Variants in PHF11 observed in about 807,000 individuals in gnomAD.
The protein encoded by PHF11 is BRCA1 C-terminus-associated protein.
In PHF11, 38 loss-of-function variants were observed where a neutral mutation model predicts 40.5. The observed-to-expected ratio is 0.94, with a 90% CI of 0.72 to 1.23. The LOEUF (loss-of-function observed/expected upper bound fraction) is 1.23. Among genes scored for constraint, PHF11 ranks in the 50% most tolerant of loss-of-function variants. The probability of loss-of-function intolerance (pLI) is 0.00; values close to 1 mark genes in which losing one functional copy is unlikely to be tolerated. For synonymous variants in PHF11, 127 were observed against 138.2 expected (o/e 0.92, Z 0.57); for missense variants, 369 against 392.4 (o/e 0.94, Z 0.50).
chr13:49,508,731 A>G (rs1326993219), intron 2 of PHF11, among the ~76,000 whole-genome samples: 1 of 152,058 alleles, frequency 6.6e-6, no homozygotes, highest in Non-Finnish European at 1.5e-5. Flanking sequence ...AATAAGAACA[A>G]TTTTATTTAC....
chr13:49,518,127 C>A lies in PHF11; in HGVS notation c.434C>A (p.Ser145Tyr), dbSNP rs746538942. 1 of 1,603,778 alleles carries A rather than the reference C, an allele frequency of 6.2e-7. No individual in the cohort carries two copies. The highest frequency in any genetic ancestry group is 1.1e-5 in the South Asian group (1 of 89,154). Residue 145 changes from serine (S) to tyrosine (Y), a missense_variant, in exon 4 of 10, where the codon TCT (serine) becomes TAT (tyrosine). Coordinates refer to ENST00000378319, the MANE Select transcript of PHF11 (RefSeq NM_001040443.3). The part of the protein sequence containing the change: ...CAKKDDAVPQ[S>Y]DGVRGIYKLL... ...AAGAAGGACGACGCAGTTCCACAGT[C>A]TGATGGAGTTCGAGGAATTTATAAG...
At chr13:49,511,672 C>T (rs149901124) in intron 2 of PHF11, among the ~76,000 whole-genome samples, 1 of 152,270 alleles carries the variant, frequency 6.6e-6, no homozygotes, top group Non-Finnish European at 1.5e-5. Flanking sequence ...TGGGGTTAGG[C>T]ATATTCTGGG....
chr13:49,509,986 T>C (rs1230996898), intron 2 of PHF11, among the ~76,000 whole-genome samples: 1 of 152,156 alleles, frequency 6.6e-6, no homozygotes, highest in Non-Finnish European at 1.5e-5. Context: ...CTCAAACCAC[T>C]GAGGTTTCAC....
chr13:49,524,398 C>A (rs1465663947), intron 8 of PHF11, among the ~76,000 whole-genome samples, 182 bp downstream of exon 8: 1 of 151,762 alleles, frequency 6.6e-6, no homozygotes, highest in Non-Finnish European at 1.5e-5. Flanking sequence ...AGAAAATAAT[C>A]CCATTCAAAT....
At chr13:49,525,372 A>G (rs759048047) in intron 8 of PHF11, among the ~76,000 whole-genome samples, 2 of 152,150 alleles carry the variant, frequency 1.3e-5, no homozygotes, top group Non-Finnish European at 2.9e-5. Context: ...CTTAGTCTCC[A>G]GAGTAGCTAA....
chr13:49,505,156 A>G (rs1958970081), intron 1 of PHF11, among the ~76,000 whole-genome samples: 1 of 150,926 alleles, frequency 6.6e-6, no homozygotes, highest in South Asian at 2.1e-4. Flanking sequence ...GAAAAAAAAA[A>G]AAAAGATACT....
chr13:49,501,002 T>TTTTTTG, intron 1 of PHF11, among the ~76,000 whole-genome samples: 1 of 118,470 alleles, frequency 8.4e-6, no homozygotes, highest in Non-Finnish European at 1.7e-5. Context: ...CAACTTTTGT[T>TTTTTTG]TTTTTTTTTT....
At chr13:49,508,011 A>T (rs1789516562) in intron 2 of PHF11, among the ~76,000 whole-genome samples, 1 of 151,538 alleles carries the variant, frequency 6.6e-6, no homozygotes. Flanking sequence ...TACCTTTTGG[A>T]ATTTTGATTG....
chr13:49,527,809 G>A (rs1475165156), intron 9 of PHF11, among the ~76,000 whole-genome samples: 1 of 152,144 alleles, frequency 6.6e-6, no homozygotes, highest in Non-Finnish European at 1.5e-5. Flanking sequence ...AGAACTGCAT[G>A]AGATTCAACT....
chr13:49,526,264 CATT>C, intron 8 of PHF11, 120 bp from the exon 9 acceptor site: 1 of 626,294 alleles, frequency 1.6e-6, no homozygotes, highest in East Asian at 2.9e-5. Flanking sequence ...TGCCATCTAA[CATT>C]AAAGTTCCAT....
chr13:49,523,396 A>G, intron 7 of PHF11, 155 bp downstream of exon 7: 5 of 617,714 alleles, frequency 8.1e-6, no homozygotes, highest in Non-Finnish European at 1.5e-5. Flanking sequence ...TGTCCACTCT[A>G]TTGTAATCCC....
At chr13:49,521,698 T>C (rs1406328769) in intron 5 of PHF11, among the ~76,000 whole-genome samples, 2 of 152,232 alleles carry the variant, frequency 1.3e-5, no homozygotes, top group Non-Finnish European at 1.5e-5. Context: ...TGTTTTACTT[T>C]GAATATCTTC....
Position 49,526,417 on chromosome 13 carries a change from A to C in PHF11, c.800A>C (p.Asp267Ala). 1 of 1,610,578 alleles carries C rather than the reference A, an allele frequency of 6.2e-7. No homozygotes were observed. The highest frequency in any genetic ancestry group is 2.2e-5 in the East Asian group (1 of 44,846). The change falls in exon 9 of 10, where the codon GAC (aspartate) becomes GCC (alanine). Residue 267 changes from aspartate to alanine, a missense_variant. Coordinates refer to ENST00000378319, the MANE Select transcript of PHF11 (RefSeq NM_001040443.3). The stretch of plus-strand genomic sequence containing the variant: ...GAAGAAATCGGGAGTGCACTTTTTG[A>C]CTGTAGATTGTTCGAAGACACATTT... ...DYEEIGSALF[D>A]CRLFEDTFVN...
chr13:49,517,868 C>T, intron 3 of PHF11, 150 bp from the exon 4 acceptor site: 1 of 566,048 alleles, frequency 1.8e-6, no homozygotes, highest in Admixed American at 3.3e-5. Flanking sequence ...AGTACTGTAC[C>T]CTAATGTTTG....
At position 49,508,612 on chromosome 13, in the gene PHF11, T is replaced by C. The variant is rs76903292; in HGVS notation, c.216+1856T>C. Among the ~76,000 whole-genome samples the C allele has an allele frequency of 3.1e-3, 473 of 151,960 alleles. 1 individual carries two copies. Among genetic ancestry groups the C allele is most frequent in the Non-Finnish European group, 5.5e-3 (376 of 67,916 alleles). The stretch of plus-strand genomic sequence containing the variant: ...CTATTATCAGTATATATAAACACTA[T>C]TTATTTTTATTTATTGATCTCATCC... On this transcript the variant is annotated intron_variant, in intron 2 of 9. Coordinates refer to ENST00000378319, the MANE Select transcript of PHF11 (RefSeq NM_001040443.3).
At chr13:49,509,150 C>CT (rs1324984796) in intron 2 of PHF11, among the ~76,000 whole-genome samples, 5 of 151,124 alleles carry the variant, frequency 3.3e-5, no homozygotes. Flanking sequence ...GTACAAAGAA[C>CT]TTTTTTTGGT....
At chr13:49,496,181 G>C in intron 1 of PHF11, 86 bp downstream of exon 1, 1 of 860,936 alleles carries the variant, frequency 1.2e-6, no homozygotes, top group Non-Finnish European at 1.6e-6. Flanking sequence ...GGTCGTGGCC[G>C]CATGGGGGCC....
At chr13:49,526,197 A>G in intron 8 of PHF11, 190 bp from the exon 9 acceptor site, 1 of 531,374 alleles carries the variant, frequency 1.9e-6, no homozygotes, top group Non-Finnish European at 3.4e-6. Flanking sequence ...AAAAGAAAAA[A>G]GAGAAATGCC....
intron 1 of PHF11, among the ~76,000 whole-genome samples, chr13:49,503,227 C>T (rs1437182807): frequency 6.6e-6 from 1 of 152,104 alleles, no homozygotes; most frequent in Non-Finnish European, 1.5e-5. Context: ...TCCTCCTAGC[C>T]CATACCCCAA....
Sources: allele counts gnomAD v4.1 joint callset (sites outside exome capture counted in the v4.1 genomes callset), GRCh38; gene constraint gnomAD v4.1.1; transcripts MANE v1.5; gene names NCBI Gene and HGNC (gene_info 2026-07-23, HGNC 2026-07-21).